Variants in NAALADL2 observed in about 807,000 individuals in gnomAD.
NAALADL2 encodes the protein N-acetylated alpha-linked acidic dipeptidase like 2, also known as inactive N-acetylated-alpha-linked acidic dipeptidase-like protein 2.
NAALADL2 carries 76 observed loss-of-function variants against 87.2 expected under a neutral mutation model. The observed-to-expected ratio is 0.87, with a 90% CI of 0.72 to 1.05. The LOEUF is 1.05. Ranked by LOEUF, NAALADL2 falls within the 50% of genes least tolerant of loss-of-function variation. The probability of loss-of-function intolerance (pLI) is 0.00; values close to 1 mark genes in which losing one functional copy is unlikely to be tolerated. For missense variants in NAALADL2, 1,089 were observed against 945.8 expected (o/e 1.15, Z -1.99); for synonymous variants, 354 against 331.0 (o/e 1.07, Z -0.75).
At chr3:174,573,518 A>G (rs1318136388) in intron 2 of NAALADL2, among the ~76,000 whole-genome samples, 2 of 152,158 alleles carry the variant, frequency 1.3e-5, no homozygotes, top group African/African-American at 4.8e-5. Context: ...AGGCTGGGTA[A>G]TTTATAATGG....
chr3:174,653,407 T>G (rs1724583041), intron 2 of NAALADL2, among the ~76,000 whole-genome samples: 1 of 152,218 alleles, frequency 6.6e-6, no homozygotes, highest in Non-Finnish European at 1.5e-5. Flanking sequence ...TGTTTCTGTC[T>G]GGTTTTCTTT....
At chr3:174,889,596 T>C (rs1730620532) in intron 1 of NAALADL2, among the ~76,000 whole-genome samples, 1 of 151,910 alleles carries the variant, frequency 6.6e-6, no homozygotes, top group African/African-American at 2.4e-5. Flanking sequence ...AGATTTAACA[T>C]TGAGAGCCAG....
intron 5 of NAALADL2, among the ~76,000 whole-genome samples, chr3:175,399,013 C>T (rs1019099109): frequency 6.6e-6 from 1 of 151,316 alleles, no homozygotes; most frequent in African/African-American, 2.4e-5. Context: ...GGAATGTGTC[C>T]ACCCTAGGTA....
chr3:175,482,400 CA>C (rs1412785044), intron 9 of NAALADL2, among the ~76,000 whole-genome samples: 1 of 90,896 alleles, frequency 1.1e-5, no homozygotes, highest in Non-Finnish European at 2.7e-5. Flanking sequence ...ATTATTTCAT[CA>C]AAAGCTTTTT....
At chr3:175,118,362 G>C (rs1038134769) in intron 2 of NAALADL2, among the ~76,000 whole-genome samples, 10 of 151,618 alleles carry the variant, frequency 6.6e-5, no homozygotes, top group Non-Finnish European at 1.2e-4. Flanking sequence ...TGATTGTTGT[G>C]TATCAATAAT....
Position 175,716,349 on chromosome 3 carries a change from A to G in NAALADL2, c.1897-20957A>G, listed in dbSNP as rs142428515. ...AGATATATATGTGTATATAATATAT[A>G]TGTATATGTGTGTGTGTATATGTAT... On this transcript the variant is annotated intron_variant, in intron 11 of 13. Transcript: ENST00000454872. Among the ~76,000 whole-genome samples, 357 of 147,724 alleles carry G rather than the reference A, an allele frequency of 2.4e-3. 1 individual carries two copies. Among genetic ancestry groups the G allele is most frequent in the Admixed American group, 3.6e-3 (53 of 14,656 alleles).
intron 1 of NAALADL2, among the ~76,000 whole-genome samples, chr3:175,087,683 C>G (rs995182868): frequency 9.2e-5 from 14 of 152,116 alleles, no homozygotes; most frequent in Admixed American, 3.3e-4. Flanking sequence ...GCAAGATGTG[C>G]TTTGTTAAAC....
rs1178874744 is a variant in NAALADL2, at chr3:175,807,971, C to T, written c.*4768C>T. On this transcript the variant is annotated 3_prime_UTR_variant, in exon 14 of 14. Coordinates refer to ENST00000454872, the MANE Select transcript of NAALADL2 (RefSeq NM_207015.3). ...ATGTATAAAGATAGCCTTTTCTGGT[C>T]ATTACCATGTCTACTCAAGTTTCTG... The T allele has an allele frequency of 1.3e-5, 2 of 151,958 alleles. No individual in the cohort carries two copies. Among genetic ancestry groups the T allele is most frequent in the Non-Finnish European group, 2.9e-5 (2 of 67,932 alleles). 9.4% of individuals were successfully genotyped at this position (151,958 alleles called of 1,614,324 possible). A position where few individuals can be genotyped will look rare whatever the true frequency, so the allele number is the denominator to read the frequency against.
At position 175,071,118 on chromosome 3, in the gene NAALADL2, A is replaced by C. The variant is rs1312482353; in HGVS notation, c.44-25672A>C. Among the ~76,000 whole-genome samples, 86 of 152,202 alleles carry C rather than the reference A, an allele frequency of 5.7e-4. 1 individual carries two copies. Among genetic ancestry groups the C allele is most frequent in the African/African-American group, 1.9e-3 (81 of 41,556 alleles). ...AGGTCCCTTGAGTGCCAGTTAGTGC[A>C]CTGCAGGGGCAAGCACAAACACTGA... is the stretch of plus-strand genomic sequence containing the variant. On this transcript the variant is annotated intron_variant, in intron 1 of 13. Coordinates refer to ENST00000454872, the MANE Select transcript of NAALADL2 (RefSeq NM_207015.3).
Position 175,097,102 on chromosome 3 carries a change from G to T in NAALADL2, c.356G>T (p.Arg119Leu), listed in dbSNP as rs760832134. The T allele has an allele frequency of 6.2e-7, 1 of 1,613,538 alleles. No homozygotes were observed. The highest frequency in any genetic ancestry group is 8.5e-7 in the Non-Finnish European group (1 of 1,179,668). The stretch of plus-strand genomic sequence containing the variant: ...ACACGATCTGCACCAAAGAGCAATC[G>T]CTGCAACTTTTGCCACGTCTTAAAA... ...HYTRSAPKSNRCNFCHVLKIL... is the reference protein window; with the variant it reads ...HYTRSAPKSNLCNFCHVLKIL... The change falls in exon 2 of 14, where the codon CGC becomes CTC. Residue 119 changes from arginine to leucine, a missense_variant. By Grantham distance (102) the Arg-to-Leu change is moderately radical. Coordinates refer to ENST00000454872, the MANE Select transcript of NAALADL2 (RefSeq NM_207015.3).
At chr3:174,576,887 A>C (rs1471745722) in intron 2 of NAALADL2, among the ~76,000 whole-genome samples, 3 of 152,186 alleles carry the variant, frequency 2.0e-5, no homozygotes, top group Non-Finnish European at 4.4e-5. Flanking sequence ...TAAAATATAC[A>C]TTATACACTT....
intron 1 of NAALADL2, among the ~76,000 whole-genome samples, chr3:174,919,158 G>A (rs746713198): frequency 5.5e-4 from 83 of 152,066 alleles, no homozygotes; most frequent in Non-Finnish European, 9.3e-4. Flanking sequence ...GGCGTTGATG[G>A]CTTCTGACTG....
At chr3:175,193,400 A>G (rs1738500274) in intron 2 of NAALADL2, among the ~76,000 whole-genome samples, 1 of 151,944 alleles carries the variant, frequency 6.6e-6, no homozygotes, top group Non-Finnish European at 1.5e-5. Flanking sequence ...ATGCATGTGT[A>G]ATGGTCAGGA....
Position 174,695,119 on chromosome 3 carries a change from TA to T in NAALADL2, c.-114-42520del, listed in dbSNP as rs576556250. 2.6e-3 allele frequency among the ~76,000 whole-genome samples: 400 copies of T among 152,166 alleles called. 2 individuals carry two copies. Among genetic ancestry groups the T allele is most frequent in the Non-Finnish European group, 4.4e-3 (296 of 67,902 alleles). On this transcript the variant is annotated intron_variant, in intron 2 of 3. Coordinates refer to the NAALADL2 transcript ENST00000434257. ...CCCTTGCTGCCATGTCACTTAGGTA[TA>T]AGATTCAAAAGCTAAAATATATTTA...
chr3:174,991,509 A>G (rs941079831), intron 1 of NAALADL2, among the ~76,000 whole-genome samples: 6 of 152,112 alleles, frequency 3.9e-5, no homozygotes, highest in Non-Finnish European at 8.8e-5. Context: ...AATTTTATAT[A>G]ACAACGTTAG....
intron 1 of NAALADL2, among the ~76,000 whole-genome samples, chr3:174,946,442 T>C (rs1739429826): frequency 6.6e-6 from 1 of 152,296 alleles, no homozygotes; most frequent in African/African-American, 2.4e-5. Context: ...TTTATGTCAT[T>C]CTGTTTTCTT....
intron 1 of NAALADL2, among the ~76,000 whole-genome samples, chr3:174,514,961 C>G (rs191913352): frequency 6.6e-6 from 1 of 152,026 alleles, no homozygotes; most frequent in Non-Finnish European, 1.5e-5. Context: ...TAGTTGAGGT[C>G]ATAGAATACT....
rs146200224 is a variant in NAALADL2 at position 174,825,276 on chromosome 3, T to C, written c.-9+87530T>C. 3.7e-3 allele frequency among the ~76,000 whole-genome samples: 557 copies of C among 152,010 alleles called. 3 individuals carry two copies. The highest frequency in any genetic ancestry group is 0.02 in the Middle Eastern group (6 of 294). On this transcript the variant is annotated intron_variant, in intron 3 of 3. Transcript: ENST00000434257. ...TAAGGCCTGAGGGCCGGAGGAGACA[T>C]AGAGTAATTCCCAGTCCAAGGCCTA...
intron 1 of NAALADL2, among the ~76,000 whole-genome samples, chr3:174,450,046 CAT>C (rs1342929325): frequency 8.2e-5 from 12 of 145,624 alleles, no homozygotes; most frequent in South Asian, 2.2e-4. Context: ...CACACACACA[CAT>C]ATAGTTTCTT....
Sources: allele counts gnomAD v4.1 joint callset (sites outside exome capture counted in the v4.1 genomes callset), GRCh38; gene constraint gnomAD v4.1.1; transcripts MANE v1.5; gene names NCBI Gene and HGNC (gene_info 2026-07-23, HGNC 2026-07-21).